The following RIPOR3 variants were observed in gnomAD, a reference collection of about 807,000 sequenced individuals.
RIPOR3 encodes family with sequence similarity 65 member C.
RIPOR3 carries 95 observed loss-of-function variants against 114.3 expected under a neutral mutation model. That is an observed-to-expected ratio of 0.83 (90% CI 0.70 to 0.99). The LOEUF (loss-of-function observed/expected upper bound fraction) is 0.99, where lower values mean the gene tolerates loss of function less well. Ranked by LOEUF, RIPOR3 falls within the 50% of genes least tolerant of loss-of-function variation. The pLI, the probability that RIPOR3 is intolerant of heterozygous loss-of-function variation, is 0.00. For synonymous variants in RIPOR3, 575 were observed against 543.8 expected (o/e 1.06, Z -0.80); for missense variants, 1,252 against 1,266.9 (o/e 0.99, Z 0.18).
At chr20:50,595,599 T>G in intron 15 of RIPOR3, 95 bp from the exon 16 acceptor site, 1 of 1,522,472 alleles carries the variant, frequency 6.6e-7, no homozygotes, top group Non-Finnish European at 8.9e-7. Context: ...TGCCCATCTC[T>G]TCTGTCCCGG....
intron 1 of RIPOR3, among the ~76,000 whole-genome samples, chr20:50,687,967 AACTT>A (rs1380024241): frequency 6.6e-6 from 1 of 152,210 alleles, no homozygotes; most frequent in East Asian, 1.9e-4. Context: ...ATAAAAATAA[AACTT>A]ACAATACCTT....
At chr20:50,641,833 C>T (rs1433163615) in intron 1 of RIPOR3, among the ~76,000 whole-genome samples, 9 of 152,230 alleles carry the variant, frequency 5.9e-5, no homozygotes, top group African/African-American at 1.9e-4. Flanking sequence ...GCTGGAAGTG[C>T]CCGGCAGGAC....
At chr20:50,670,289 C>T (rs2123521072) in intron 1 of RIPOR3, among the ~76,000 whole-genome samples, 1 of 152,154 alleles carries the variant, frequency 6.6e-6, no homozygotes, top group Admixed American at 6.5e-5. Flanking sequence ...GAAAGCCAAG[C>T]AGCAATCTTG....
chr20:50,667,621 C>T (rs546644782), intron 1 of RIPOR3, among the ~76,000 whole-genome samples: 3 of 152,192 alleles, frequency 2.0e-5, no homozygotes, highest in Admixed American at 6.5e-5. Flanking sequence ...ACGTCCTCAC[C>T]GCGGCTCAGC....
At chr20:50,660,269 A>G (rs2123452691) in intron 1 of RIPOR3, 1 of 152,330 alleles carries the variant, frequency 6.6e-6, no homozygotes, top group Non-Finnish European at 1.5e-5. Context: ...TGGGTAATGT[A>G]TAAAGAAAAG....
chr20:50,622,331 A>G (rs956791007), intron 2 of RIPOR3, among the ~76,000 whole-genome samples: 25 of 151,908 alleles, frequency 1.6e-4, no homozygotes, highest in Admixed American at 1.5e-3. Context: ...ACAGGCATGC[A>G]CCACCATACC....
chr20:50,620,608 C>G (rs575677871), intron 2 of RIPOR3, among the ~76,000 whole-genome samples: 4 of 151,534 alleles, frequency 2.6e-5, no homozygotes, highest in Non-Finnish European at 2.9e-5. Flanking sequence ...ACCTGGGTGA[C>G]AGAGTGAGAC....
At chr20:50,678,078 A>C (rs1215222865) in intron 1 of RIPOR3, among the ~76,000 whole-genome samples, 2 of 152,144 alleles carry the variant, frequency 1.3e-5, no homozygotes, top group African/African-American at 4.8e-5. Flanking sequence ...CTGACTCCCC[A>C]TCTCATTTTC....
chr20:50,678,748 T>C (rs996354488), intron 1 of RIPOR3, among the ~76,000 whole-genome samples: 7 of 152,040 alleles, frequency 4.6e-5, no homozygotes, highest in Admixed American at 2.6e-4. Context: ...ACTTTGCACA[T>C]GGTGGAGGCT....
intron 20 of RIPOR3, 40 bp downstream of exon 20, chr20:50,589,646 G>C: frequency 6.2e-7 from 1 of 1,600,070 alleles, no homozygotes; most frequent in Non-Finnish European, 8.5e-7. Context: ...CCACAAGCAG[G>C]CTTTTCTATC....
chr20:50,593,988 C>T (rs1278160771), intron 17 of RIPOR3, among the ~76,000 whole-genome samples: 3 of 151,716 alleles, frequency 2.0e-5, no homozygotes, highest in South Asian at 2.1e-4. Flanking sequence ...AATGCTCTGG[C>T]GGCCGGGCGC....
chr20:50,690,547 C>T (rs184373792), intron 1 of RIPOR3, among the ~76,000 whole-genome samples: 84 of 152,336 alleles, frequency 5.5e-4, no homozygotes, highest in African/African-American at 1.8e-3. Flanking sequence ...ATACCTCCTT[C>T]TCCTTCACCC....
rs1190899402 is a variant in RIPOR3, at chr20:50,608,478, G to A, written c.867C>T (p.Ile289=). 3.7e-6 allele frequency: 6 copies of A among 1,613,810 alleles called. No homozygotes were observed. Among genetic ancestry groups the A allele is most frequent in the Admixed American group, 1.7e-5 (1 of 59,994 alleles). The stretch of plus-strand genomic sequence containing the variant: ...GCGGCCGCGTCGTGAAGAAGTCGGC[G>A]ATGTCACACGTCACTGCACCCACAG... The part of the protein sequence containing the change: ...SLAVGAVTCD[I]ADFFTTRPQV... The change falls in exon 11 of 22, where the codon ATC becomes ATT. Residue 289 remains isoleucine (I), a synonymous_variant. Transcript: ENST00000327979.
chr20:50,606,617 G>A (rs1046770765), intron 11 of RIPOR3, among the ~76,000 whole-genome samples: 3 of 152,124 alleles, frequency 2.0e-5, no homozygotes, highest in African/African-American at 7.2e-5. Flanking sequence ...TCCAGAAAAG[G>A]GGCAGCCCAT....
chr20:50,605,320 A>C (rs1235094414), intron 11 of RIPOR3, among the ~76,000 whole-genome samples: 2 of 152,230 alleles, frequency 1.3e-5, no homozygotes, highest in South Asian at 2.1e-4. Context: ...GGAGGAAAGG[A>C]AGGCTCTGAG....
chr20:50,620,974 C>A, intron 2 of RIPOR3: 1 of 531,802 alleles, frequency 1.9e-6, no homozygotes, highest in Non-Finnish European at 3.6e-6. Flanking sequence ...CCCTCAAGTT[C>A]ATCAAGGAAA....
At chr20:50,625,498 C>G (rs1239604839) in intron 2 of RIPOR3, among the ~76,000 whole-genome samples, 2 of 152,226 alleles carry the variant, frequency 1.3e-5, no homozygotes, top group African/African-American at 4.8e-5. Context: ...AGTCTGTGTG[C>G]TTGACAGCTT....
rs888622829 is a variant in RIPOR3 at position 50,619,944 on chromosome 20, G to A, written c.269+42C>T. 3 of 1,586,162 alleles carry A rather than the reference G, an allele frequency of 1.9e-6. No individual in the cohort carries two copies. In the South Asian group the frequency reaches 3.3e-5, roughly 18 times the overall value. ...GAAGAGACAGAGAGGAGGCGAGGTA[G>A]AGGAATGCACTTCTTAAAGGCAGCA... is the stretch of plus-strand genomic sequence containing the variant. On this transcript the variant is annotated intron_variant, in intron 3 of 21. Transcript: ENST00000327979.
intron 1 of RIPOR3, 133 bp downstream of exon 1, chr20:50,690,993 C>T: frequency 1.7e-6 from 2 of 1,159,152 alleles, no homozygotes; most frequent in Non-Finnish European, 2.3e-6. Flanking sequence ...AACCCAGGTT[C>T]CCTCCTCCGG....
Sources: gnomAD v4.1 joint callset for allele counts (sites outside exome capture counted in the v4.1 genomes callset) on GRCh38, gnomAD v4.1.1 for gene constraint, MANE v1.5 for transcripts, NCBI Gene and HGNC (gene_info 2026-07-23, HGNC 2026-07-21) for gene names.